The following CHRNB3 variants were observed in gnomAD, a reference collection of about 807,000 sequenced individuals.
CHRNB3 encodes the protein neuronal acetylcholine receptor subunit beta-3.
A neutral mutation model predicts 40.6 loss-of-function variants in CHRNB3; 37 were observed. The ratio of observed to expected loss-of-function variants is 0.91; its 90% CI spans 0.70 to 1.20. The LOEUF (loss-of-function observed/expected upper bound fraction) is 1.20, where lower values mean the gene tolerates loss of function less well. Among genes scored for constraint, CHRNB3 ranks in the 50% most tolerant of loss-of-function variants. The pLI, the probability that CHRNB3 is intolerant of heterozygous loss-of-function variation, is 0.00. For synonymous variants in CHRNB3, 207 were observed against 207.1 expected, an observed-to-expected ratio of 1.00 and a Z score of 0.00; for missense variants, 505 against 551.2, an observed-to-expected ratio of 0.92 and a Z score of 0.84.
chr8:42,703,425 AAAAAAAAAAAATATTTAT>A (rs1292842235), intron 1 of CHRNB3, among the ~76,000 whole-genome samples: 2 of 36,238 alleles, frequency 5.5e-5, no homozygotes, highest in African/African-American at 1.2e-4. Context: ...CTTCGTCTAA[AAAAAAAAAAAATATTTAT>A]ATATATATAT....
intron 3 of CHRNB3, among the ~76,000 whole-genome samples, chr8:42,714,247 G>A (rs913973904): frequency 3.3e-5 from 5 of 152,114 alleles, no homozygotes; most frequent in Non-Finnish European, 5.9e-5. Context: ...TGTAATCCCA[G>A]CACTTTGGGA....
intron 3 of CHRNB3, among the ~76,000 whole-genome samples, chr8:42,718,183 C>T (rs1816152525): frequency 6.6e-6 from 1 of 151,890 alleles, no homozygotes; most frequent in Non-Finnish European, 1.5e-5. Flanking sequence ...ATGAATTTAA[C>T]AGGAATATGA....
At chr8:42,704,136 A>G (rs1563606665) in intron 1 of CHRNB3, among the ~76,000 whole-genome samples, 1 of 152,176 alleles carries the variant, frequency 6.6e-6, no homozygotes, top group African/African-American at 2.4e-5. Context: ...CACGTGCTAG[A>G]AAGTCAGTTT....
chr8:42,717,145 G>A (rs981836689), intron 3 of CHRNB3, among the ~76,000 whole-genome samples: 1 of 134,340 alleles, frequency 7.4e-6, no homozygotes, highest in African/African-American at 3.0e-5. Flanking sequence ...AGGCCGAGGC[G>A]GGCGGATCAC....
chr8:42,712,554 T>G (rs1816034400), intron 3 of CHRNB3, among the ~76,000 whole-genome samples: 1 of 152,064 alleles, frequency 6.6e-6, no homozygotes. Context: ...TACTTGCAAA[T>G]AAAAATACCC....
chr8:42,725,089 CTTTTTTT>C (rs572194650), intron 3 of CHRNB3, among the ~76,000 whole-genome samples: 2 of 136,494 alleles, frequency 1.5e-5, no homozygotes, highest in Admixed American at 1.5e-4. Flanking sequence ...TTCTTTCTTT[CTTTTTTT>C]TTTTTTTTTT....
chr8:42,718,974 G>T (rs1330680416), intron 3 of CHRNB3, among the ~76,000 whole-genome samples: 1 of 152,052 alleles, frequency 6.6e-6, no homozygotes, highest in African/African-American at 2.4e-5. Flanking sequence ...TATCCTGTGC[G>T]ATCCTGTTTC....
intron 3 of CHRNB3, chr8:42,726,045 G>A: frequency 1.0e-6 from 1 of 953,098 alleles, no homozygotes; most frequent in Non-Finnish European, 1.7e-6. Flanking sequence ...TCACGTTTCT[G>A]TCACCAGGAA....
rs974275048 is a variant in CHRNB3 at position 42,700,774 on chromosome 8, A to T, written c.52+3176A>T. ...ACAGATCTGAGATTTATAACAGGTTATTGGATTTAGTATAGATCTGTGAGA... is the reference window on the plus strand; with the variant it reads ...ACAGATCTGAGATTTATAACAGGTTTTTGGATTTAGTATAGATCTGTGAGA... On this transcript the variant is annotated intron_variant, in intron 1 of 5. Coordinates refer to ENST00000289957, the MANE Select transcript of CHRNB3 (RefSeq NM_000749.5). 3.3e-5 allele frequency among the ~76,000 whole-genome samples: 5 copies of T among 152,324 alleles called. No homozygotes were observed. The East Asian group carries it at 9.6e-4, about 29-fold the overall frequency.
Position 42,731,817 on chromosome 8 carries a change from G to A in CHRNB3, c.510G>A (p.Lys170=). ...FPFDRQNCSM[K]FGSWTYDGTM... is the part of the protein sequence containing the mutation. The stretch of plus-strand genomic sequence containing the variant: ...TCGACCGACAGAACTGCTCCATGAA[G>A]TTTGGATCCTGGACTTATGATGGCA... The change falls in exon 5 of 6, where the codon AAG becomes AAA. Residue 170 remains lysine (K), a synonymous_variant. Transcript: ENST00000289957. The A allele has an allele frequency of 6.2e-7, 1 of 1,614,098 alleles. No individual in the cohort carries two copies. The highest frequency in any genetic ancestry group is 8.5e-7 in the Non-Finnish European group (1 of 1,180,036).
In CHRNB3 at chr8:42,731,698, A is replaced by T. The variant is rs201834364; in HGVS notation, c.391A>T (p.Thr131Ser). 14 of 1,613,140 alleles carry T rather than the reference A, an allele frequency of 8.7e-6. No individual in the cohort carries two copies. The highest frequency in any genetic ancestry group is 2.5e-6 in the Non-Finnish European group (3 of 1,179,428). Reference protein sequence around the residue: ...ADGRFEGSLMTKVIVKSNGTV... With the variant: ...ADGRFEGSLMSKVIVKSNGTV... Reference sequence around the variant, plus strand: ...CGGCCGCTTCGAAGGCTCCCTGATGACCAAGGTCATCGTGAAATCAAACGG... The same window carrying T: ...CGGCCGCTTCGAAGGCTCCCTGATGTCCAAGGTCATCGTGAAATCAAACGG... Residue 131 changes from threonine to serine, a missense_variant, in exon 5 of 6, where the codon ACC becomes TCC. Thr to Ser is a moderately conservative substitution (Grantham distance 58, BLOSUM62 1). Coordinates refer to ENST00000289957, the MANE Select transcript of CHRNB3 (RefSeq NM_000749.5).
chr8:42,720,477 G>C (rs1816203492), intron 3 of CHRNB3, among the ~76,000 whole-genome samples: 1 of 151,984 alleles, frequency 6.6e-6, no homozygotes, highest in Non-Finnish European at 1.5e-5. Context: ...TGCCTTCCCT[G>C]TCTACTCCAC....
chr8:42,712,810 C>A (rs1816039009), intron 3 of CHRNB3, among the ~76,000 whole-genome samples: 1 of 149,806 alleles, frequency 6.7e-6, no homozygotes, highest in African/African-American at 2.4e-5. Flanking sequence ...AAAAATCAAA[C>A]AAACACACAA....
intron 1 of CHRNB3, among the ~76,000 whole-genome samples, chr8:42,698,665 T>G (rs1815721246): frequency 2.6e-5 from 4 of 152,328 alleles, no homozygotes; most frequent in Non-Finnish European, 5.9e-5. Context: ...TATCATGAAA[T>G]TTGGACTTTT....
At chr8:42,706,908 G>A (rs1299465937) in intron 1 of CHRNB3, among the ~76,000 whole-genome samples, 1 of 152,100 alleles carries the variant, frequency 6.6e-6, no homozygotes, top group Non-Finnish European at 1.5e-5. Context: ...CTATAGGGGT[G>A]TGCCACCATG....
At chr8:42,736,154 A>C (rs759779930) in intron 5 of CHRNB3, among the ~76,000 whole-genome samples, 4 of 152,180 alleles carry the variant, frequency 2.6e-5, no homozygotes, top group Non-Finnish European at 5.9e-5. Context: ...GGCGTGAGCC[A>C]CCGCACCTGG....
In CHRNB3 at chr8:42,736,740, A is replaced by T; in HGVS notation, c.*122A>T. On this transcript the variant is annotated 3_prime_UTR_variant, in exon 6 of 6. Transcript: ENST00000289957. ...GAATGCGTTGTCTTTGTGGAAATGGAACATCTCCTCATGGGAGAAACTCTG... is the reference window on the plus strand; with the variant it reads ...GAATGCGTTGTCTTTGTGGAAATGGTACATCTCCTCATGGGAGAAACTCTG... The T allele has an allele frequency of 1.7e-6, 2 of 1,163,012 alleles. No homozygotes were observed. Among genetic ancestry groups the T allele is most frequent in the Non-Finnish European group, 2.5e-6 (2 of 800,916 alleles). The allele number at this position is 1,163,012 out of a possible 1,614,324, so 72.0% of individuals were successfully genotyped here. A position where few individuals can be genotyped will look rare whatever the true frequency, so the allele number is the denominator to read the frequency against.
intron 3 of CHRNB3, among the ~76,000 whole-genome samples, chr8:42,711,957 A>T (rs1244884620): frequency 6.6e-6 from 1 of 151,542 alleles, no homozygotes; most frequent in Non-Finnish European, 1.5e-5. Flanking sequence ...AGAACATGTA[A>T]TATTTGATTT....
chr8:42,732,588 G>A, intron 5 of CHRNB3, 39 bp downstream of exon 5: 1 of 1,514,676 alleles, frequency 6.6e-7, no homozygotes, highest in South Asian at 1.3e-5. Context: ...TGCCGTAAAG[G>A]TAGGCCAAAG....
Sources: gnomAD v4.1 joint callset for allele counts (sites outside exome capture counted in the v4.1 genomes callset) on GRCh38, gnomAD v4.1.1 for gene constraint, MANE v1.5 for transcripts, NCBI Gene and HGNC (gene_info 2026-07-23, HGNC 2026-07-21) for gene names.